The following MYLK4 variants were observed in gnomAD, a reference collection of about 807,000 sequenced individuals.
The protein encoded by MYLK4 is myosin light chain kinase family member 4.
In MYLK4, 46 loss-of-function variants were observed where a neutral mutation model predicts 48.1. The ratio of observed to expected loss-of-function variants is 0.96; its 90% CI spans 0.75 to 1.22. The LOEUF (loss-of-function observed/expected upper bound fraction) is 1.22. Among genes scored for constraint, MYLK4 ranks in the 50% most tolerant of loss-of-function variants. The pLI is 0.00. For missense variants in MYLK4, 451 were observed against 486.1 expected, an observed-to-expected ratio of 0.93 and a Z score of 0.68; for synonymous variants, 170 against 180.8, an observed-to-expected ratio of 0.94 and a Z score of 0.48.
intron 2 of MYLK4, among the ~76,000 whole-genome samples, chr6:2,718,467 T>A (rs1304726269): frequency 6.6e-6 from 1 of 152,158 alleles, no homozygotes; most frequent in East Asian, 1.9e-4. Context: ...GCATAAAAAT[T>A]ATAAAAACCT....
Position 2,671,280 on chromosome 6 carries a change from CA to C in MYLK4, c.*20del, listed in dbSNP as rs1295558010. 6.2e-7 allele frequency: 1 copy of C among 1,612,644 alleles called. No homozygotes were observed. The highest frequency in any genetic ancestry group is 8.5e-7 in the Non-Finnish European group (1 of 1,178,964). On this transcript the variant is annotated 3_prime_UTR_variant, in exon 12 of 13. Transcript: ENST00000274643. The stretch of plus-strand genomic sequence containing the variant: ...TTCAGGAGACCCAAGACTAACCTTC[CA>C]AATGGCTGCCTCCTGTAGACTATTT...
At chr6:2,735,831 A>T (rs1433842689) in intron 2 of MYLK4, among the ~76,000 whole-genome samples, 3 of 152,232 alleles carry the variant, frequency 2.0e-5, no homozygotes, top group African/African-American at 4.8e-5. Context: ...AGGTTTGGGG[A>T]GAAACAATGA....
At chr6:2,718,882 G>A (rs1298624809) in intron 2 of MYLK4, among the ~76,000 whole-genome samples, 2 of 152,204 alleles carry the variant, frequency 1.3e-5, no homozygotes, top group Non-Finnish European at 2.9e-5. Flanking sequence ...GCTATGATAA[G>A]GAAGTCTGTG....
At chr6:2,732,190 T>G (rs143956682) in intron 2 of MYLK4, among the ~76,000 whole-genome samples, 14 of 152,348 alleles carry the variant, frequency 9.2e-5, no homozygotes, top group African/African-American at 2.9e-4. Flanking sequence ...TCTGGAGTGA[T>G]GGTAACAATA....
At chr6:2,721,738 C>A (rs1287412482) in intron 2 of MYLK4, among the ~76,000 whole-genome samples, 3 of 152,258 alleles carry the variant, frequency 2.0e-5, no homozygotes, top group Admixed American at 6.5e-5. Context: ...TTGGTTCTGG[C>A]AGAAACTTTT....
the MYLK4 span, among the ~76,000 whole-genome samples, chr6:2,760,736 T>A: frequency 6.6e-6 from 1 of 152,008 alleles, no homozygotes; most frequent in Non-Finnish European, 1.5e-5. Context: ...TAACAAAAAA[T>A]CAATGCATTT....
chr6:2,682,590 T>C (rs942491), intron 7 of MYLK4, among the ~76,000 whole-genome samples: 140,096 of 152,118 alleles, frequency 0.92, 65,137 homozygotes, highest in East Asian at 1. Flanking sequence ...TCCCAAAGTC[T>C]GGAGCTTCCT....
intron 2 of MYLK4, among the ~76,000 whole-genome samples, chr6:2,731,506 T>G (rs1303586525): frequency 2.6e-5 from 4 of 152,212 alleles, no homozygotes; most frequent in African/African-American, 4.8e-5. Context: ...CTTTAGTCCC[T>G]GCTATCCTTC....
intron 2 of MYLK4, among the ~76,000 whole-genome samples, chr6:2,727,559 G>T (rs1359388009): frequency 6.6e-6 from 1 of 152,170 alleles, no homozygotes; most frequent in African/African-American, 2.4e-5. Context: ...AACCGCTCGA[G>T]GTTGCATCTG....
intron 7 of MYLK4, among the ~76,000 whole-genome samples, chr6:2,681,847 A>G (rs943238923): frequency 6.6e-6 from 1 of 152,250 alleles, no homozygotes; most frequent in Admixed American, 6.5e-5. Context: ...TTGACTTACA[A>G]TAGGTTTGCT....
intron 2 of MYLK4, among the ~76,000 whole-genome samples, chr6:2,740,434 G>C (rs1763859688): frequency 6.6e-6 from 1 of 152,162 alleles, no homozygotes. Context: ...AATGCCAGGG[G>C]GATAGTCACT....
At chr6:2,728,500 T>C (rs141609647) in intron 2 of MYLK4, among the ~76,000 whole-genome samples, 2,291 of 152,284 alleles carry the variant, frequency 0.015, 36 homozygotes, top group Non-Finnish European at 0.025. Flanking sequence ...CCGACCTGCC[T>C]TGGCATCCTC....
At chr6:2,688,632 A>T (rs555536311) in intron 4 of MYLK4, among the ~76,000 whole-genome samples, 90 of 148,666 alleles carry the variant, frequency 6.1e-4, no homozygotes, top group Admixed American at 3.9e-3. Flanking sequence ...TTTCTTTTAG[A>T]CATTACAACA....
At chr6:2,752,389 T>C (rs1240768691), upstream of MYLK4, among the ~76,000 whole-genome samples, 1 of 151,848 alleles carries the variant, frequency 6.6e-6, no homozygotes. Flanking sequence ...TTATTGTTGC[T>C]GGGTTTTTTT....
the MYLK4 span, among the ~76,000 whole-genome samples, chr6:2,756,249 G>T: frequency 1.3e-5 from 2 of 152,102 alleles, no homozygotes; most frequent in Non-Finnish European, 2.9e-5. Context: ...TTTAGTATCA[G>T]GATGAGCTTA....
intron 2 of MYLK4, among the ~76,000 whole-genome samples, chr6:2,717,544 G>A (rs551033569): frequency 2.0e-5 from 3 of 152,318 alleles, no homozygotes; most frequent in Admixed American, 1.3e-4. Context: ...TGGCTCTCCC[G>A]AGATTTGGGA....
chr6:2,686,312 C>G (rs1249530041), intron 4 of MYLK4, among the ~76,000 whole-genome samples: 1 of 152,168 alleles, frequency 6.6e-6, no homozygotes, highest in Admixed American at 6.5e-5. Flanking sequence ...ACAAGAGAGC[C>G]CACCTTCAGA....
intron 2 of MYLK4, among the ~76,000 whole-genome samples, chr6:2,697,206 T>C (rs1762095019): frequency 3.3e-5 from 5 of 152,250 alleles, no homozygotes. Context: ...CAATTGTAGA[T>C]AACACCGTGC....
At chr6:2,699,587 A>C (rs1762214612) in intron 2 of MYLK4, among the ~76,000 whole-genome samples, 1 of 151,902 alleles carries the variant, frequency 6.6e-6, no homozygotes, top group Non-Finnish European at 1.5e-5. Context: ...GTCAGCCACC[A>C]TGCCCAGCTG....
Sources: gnomAD v4.1 joint callset for allele counts (sites outside exome capture counted in the v4.1 genomes callset) on GRCh38, gnomAD v4.1.1 for gene constraint, MANE v1.5 for transcripts, NCBI Gene and HGNC (gene_info 2026-07-23, HGNC 2026-07-21) for gene names.